Variants in EFCAB6 observed in about 807,000 individuals in gnomAD.
The protein encoded by EFCAB6 is EF-hand calcium-binding domain-containing protein 6.
Under a neutral mutation model 169.8 loss-of-function variants are expected in EFCAB6, and 156 were observed. The observed-to-expected ratio is 0.92, with a 90% CI of 0.81 to 1.05. EFCAB6 has a LOEUF of 1.05. Among genes scored for constraint, EFCAB6 ranks in the 50% least tolerant of loss-of-function variants. The pLI, the probability that EFCAB6 is intolerant of heterozygous loss-of-function variation, is 0.00. For synonymous variants in EFCAB6, 698 were observed against 676.4 expected, an observed-to-expected ratio of 1.03 and a Z score of -0.50; for missense variants, 1,800 against 1,829.1, an observed-to-expected ratio of 0.98 and a Z score of 0.29.
At chr22:43,620,962 A>C (rs994493437) in intron 20 of EFCAB6, among the ~76,000 whole-genome samples, 1 of 152,190 alleles carries the variant, frequency 6.6e-6, no homozygotes, top group East Asian at 1.9e-4. Context: ...ACCAAGACAG[A>C]CCATATCCAG....
intron 27 of EFCAB6, among the ~76,000 whole-genome samples, chr22:43,541,641 G>A (rs1056844673): frequency 7.9e-5 from 12 of 152,240 alleles, no homozygotes; most frequent in South Asian, 4.1e-4. Flanking sequence ...ATGTGACTGC[G>A]GTGTCTCAGA....
intron 27 of EFCAB6, among the ~76,000 whole-genome samples, chr22:43,545,573 C>T (rs552808648): frequency 1.4e-4 from 21 of 152,256 alleles, no homozygotes; most frequent in Admixed American, 6.5e-5. Context: ...CAAAGTTTTG[C>T]GGATTGATGG....
intron 2 of EFCAB6, among the ~76,000 whole-genome samples, chr22:43,791,284 G>A (rs1459804414): frequency 6.6e-6 from 1 of 151,474 alleles, no homozygotes; most frequent in Non-Finnish European, 1.5e-5. Context: ...GAGGTGGGAG[G>A]ATCGCTTAAA....
chr22:43,689,006 C>A (rs2058303710), intron 10 of EFCAB6, among the ~76,000 whole-genome samples: 1 of 152,072 alleles, frequency 6.6e-6, no homozygotes, highest in Non-Finnish European at 1.5e-5. Context: ...GGGAGAAAAT[C>A]TTTTGGTATG....
At chr22:43,719,227 C>T (rs1052163534) in intron 8 of EFCAB6, among the ~76,000 whole-genome samples, 4 of 152,164 alleles carry the variant, frequency 2.6e-5, no homozygotes, top group Non-Finnish European at 5.9e-5. Flanking sequence ...CACAATTATA[C>T]CAGCTTTCAT....
At chr22:43,585,193 G>A (rs984374235) in intron 24 of EFCAB6, among the ~76,000 whole-genome samples, 7 of 151,716 alleles carry the variant, frequency 4.6e-5, no homozygotes, top group Non-Finnish European at 5.9e-5. Context: ...TGGTTAATAT[G>A]TAAAGTGTTC....
intron 26 of EFCAB6, among the ~76,000 whole-genome samples, chr22:43,571,433 G>A (rs2049866629): frequency 1.3e-5 from 2 of 152,150 alleles, no homozygotes; most frequent in Non-Finnish European, 2.9e-5. Flanking sequence ...GAAAGGATGG[G>A]TGGTATCATA....
At chr22:43,594,066 G>A (rs757119006) in intron 23 of EFCAB6, among the ~76,000 whole-genome samples, 25 of 152,032 alleles carry the variant, frequency 1.6e-4, no homozygotes, top group African/African-American at 4.8e-4. Context: ...ACCTGAGGTC[G>A]GGAGTTTGAG....
In EFCAB6 at chr22:43,605,410, C is replaced by T. The variant is rs566461958; in HGVS notation, c.2681+3072G>A. 3.9e-5 allele frequency among the ~76,000 whole-genome samples: 6 copies of T among 152,086 alleles called. No homozygotes were observed. In the South Asian group the frequency reaches 1.0e-3, roughly 26 times the overall value. On this transcript the variant is annotated intron_variant, in intron 22 of 31. Coordinates refer to ENST00000262726, the MANE Select transcript of EFCAB6 (RefSeq NM_022785.4). ...CTGTAATCCCAGCACTTTGGGAGGC[C>T]GAGGCAGGCAGATCACGAGGTCAAG...
intron 20 of EFCAB6, among the ~76,000 whole-genome samples, chr22:43,618,872 A>C (rs1342985897): frequency 6.6e-6 from 1 of 151,618 alleles, no homozygotes; most frequent in African/African-American, 2.4e-5. Context: ...CCTGTGATTC[A>C]AGGAATATTG....
At chr22:43,800,946 C>T (rs1458198595) in intron 2 of EFCAB6, among the ~76,000 whole-genome samples, 1 of 151,978 alleles carries the variant, frequency 6.6e-6, no homozygotes, top group East Asian at 1.9e-4. Flanking sequence ...GAAAACCTTC[C>T]AAGACTTGAG....
chr22:43,534,658 C>T, intron 30 of EFCAB6, 30 bp downstream of exon 30: 1 of 1,567,272 alleles, frequency 6.4e-7, no homozygotes, highest in Non-Finnish European at 8.6e-7. Context: ...TTCCACCTGG[C>T]CCCACATTTC....
At chr22:43,636,640 T>G (rs1412110035) in intron 17 of EFCAB6, among the ~76,000 whole-genome samples, 1 of 143,222 alleles carries the variant, frequency 7.0e-6, no homozygotes, top group Non-Finnish European at 1.5e-5. Context: ...AGACAGAGTC[T>G]CACTCTGTCA....
At chr22:43,709,560 T>G (rs892437457) in intron 10 of EFCAB6, among the ~76,000 whole-genome samples, 9 of 152,308 alleles carry the variant, frequency 5.9e-5, no homozygotes, top group Middle Eastern at 3.4e-3. Context: ...AAAACTGTGA[T>G]GCACTCTGAT....
intron 10 of EFCAB6, among the ~76,000 whole-genome samples, chr22:43,691,042 T>C (rs1237486962): frequency 6.6e-6 from 1 of 152,106 alleles, no homozygotes; most frequent in Admixed American, 6.5e-5. Context: ...CAGCTAATAC[T>C]TGATAAATGC....
At chr22:43,630,146 CAAA>C (rs1045123251) in intron 19 of EFCAB6, among the ~76,000 whole-genome samples, 14 of 152,030 alleles carry the variant, frequency 9.2e-5, no homozygotes, top group Middle Eastern at 3.4e-3. Context: ...CAAAAAAATT[CAAA>C]AAAAGTGACT....
intron 9 of EFCAB6, among the ~76,000 whole-genome samples, chr22:43,713,768 T>C (rs965843639): frequency 6.6e-6 from 1 of 152,164 alleles, no homozygotes; most frequent in Admixed American, 6.5e-5. Flanking sequence ...TTGCAAAATA[T>C]TTAGATAAGG....
rs1325185431 is a variant in EFCAB6 at position 43,784,565 on chromosome 22, ATATGTG to A, written c.-7-2246_-7-2241del. Among the ~76,000 whole-genome samples, 708 of 79,466 alleles carry A rather than the reference ATATGTG, an allele frequency of 8.9e-3. 29 individuals carry two copies. The highest frequency in any genetic ancestry group is 0.036 in the African/African-American group (684 of 18,762). 52.1% of individuals were successfully genotyped at this position (79,466 alleles called of 152,430 possible). A position where few individuals can be genotyped will look rare whatever the true frequency, so the allele number is the denominator to read the frequency against. On this transcript the variant is annotated intron_variant, in intron 2 of 31. Coordinates refer to ENST00000262726, the MANE Select transcript of EFCAB6 (RefSeq NM_022785.4). ...TGTGTATATGTATATATACACATATATATGTGTACATATACACATATATATGTATAT... is the reference window on the plus strand; with the variant it reads ...TGTGTATATGTATATATACACATATATACATATACACATATATATGTATAT...
At chr22:43,709,005 C>T (rs1279174377) in intron 10 of EFCAB6, among the ~76,000 whole-genome samples, 7 of 152,186 alleles carry the variant, frequency 4.6e-5, no homozygotes, top group African/African-American at 9.6e-5. Context: ...CCCCAAAACA[C>T]GCATTCTATG....
Sources: gnomAD v4.1 joint callset for allele counts (sites outside exome capture counted in the v4.1 genomes callset) on GRCh38, gnomAD v4.1.1 for gene constraint, MANE v1.5 for transcripts, NCBI Gene and HGNC (gene_info 2026-07-23, HGNC 2026-07-21) for gene names.